ERBB4: variants seen among roughly 807,000 people sequenced by gnomAD.
ERBB4 encodes erb-b2 receptor tyrosine kinase 4.
In ERBB4, 42 loss-of-function variants were observed where a neutral mutation model predicts 158.0. The ratio of observed to expected loss-of-function variants is 0.27; its 90% CI spans 0.21 to 0.34. The LOEUF (loss-of-function observed/expected upper bound fraction) is 0.34, where lower values mean the gene tolerates loss of function less well. Ranked by LOEUF, ERBB4 falls within the 10% of genes least tolerant of loss-of-function variation. ERBB4 has a pLI of 1.00. For synonymous variants in ERBB4, 583 were observed against 558.7 expected (o/e 1.04, Z -0.61); for missense variants, 1,333 against 1,624.1 (o/e 0.82, Z 3.08).
intron 1 of ERBB4, among the ~76,000 whole-genome samples, chr2:212,141,649 A>T (rs2080481638): frequency 6.6e-6 from 1 of 152,008 alleles, no homozygotes; most frequent in Non-Finnish European, 1.5e-5. Context: ...AAATCTAGTC[A>T]GTCAACTATT....
At chr2:211,400,309 T>C (rs1456063578) in intron 25 of ERBB4, among the ~76,000 whole-genome samples, 1 of 151,922 alleles carries the variant, frequency 6.6e-6, no homozygotes, top group East Asian at 1.9e-4. Context: ...AACAGGCTTT[T>C]TTCTCCAGTG....
At chr2:212,344,726 A>G (rs576301989) in intron 1 of ERBB4, among the ~76,000 whole-genome samples, 36 of 152,336 alleles carry the variant, frequency 2.4e-4, no homozygotes, top group Non-Finnish European at 4.1e-4. Context: ...GTATTGCATC[A>G]TTTAATTTAT....
At chr2:211,790,182 T>C (rs1575152029) in intron 3 of ERBB4, among the ~76,000 whole-genome samples, 1 of 152,060 alleles carries the variant, frequency 6.6e-6, no homozygotes, top group African/African-American at 2.4e-5. Flanking sequence ...CTCATACTAA[T>C]AGCTTTCTCA....
At chr2:212,496,707 C>T (rs1690593345) in intron 1 of ERBB4, among the ~76,000 whole-genome samples, 1 of 152,106 alleles carries the variant, frequency 6.6e-6, no homozygotes, top group Admixed American at 6.6e-5. Flanking sequence ...ATTTGTCAGT[C>T]TCCGTGAGTC....
chr2:211,376,120 GA>G lies in ERBB4; in HGVS notation c.*7494del, dbSNP rs1487734648. 9.0e-5 allele frequency: 21 copies of G among 232,942 alleles called. No homozygotes were observed. The South Asian group carries it at 1.3e-3, about 14-fold the overall frequency. 14.4% of individuals were successfully genotyped at this position (232,942 alleles called of 1,614,324 possible). A position where few individuals can be genotyped will look rare whatever the true frequency, so the allele number is the denominator to read the frequency against. ...TGCATGATCCTTCATCAATAACATG[GA>G]AAAAAATCAAAATAACATTACACCA... On this transcript the variant is annotated 3_prime_UTR_variant, in exon 28 of 28. Coordinates refer to ENST00000342788, the MANE Select transcript of ERBB4 (RefSeq NM_005235.3).
intron 1 of ERBB4, among the ~76,000 whole-genome samples, chr2:212,536,960 A>AGTCC (rs1693107274): frequency 6.6e-6 from 1 of 152,162 alleles, no homozygotes; most frequent in Non-Finnish European, 1.5e-5. Flanking sequence ...TGGAATGTCA[A>AGTCC]GTCCGTGTTG....
At chr2:211,440,509 CT>C (rs2063950436) in intron 20 of ERBB4, among the ~76,000 whole-genome samples, 1 of 152,124 alleles carries the variant, frequency 6.6e-6, no homozygotes, top group Non-Finnish European at 1.5e-5. Context: ...TGTCTGACAC[CT>C]TAGTAATAAT....
chr2:211,818,484 G>A (rs185694384), intron 3 of ERBB4, among the ~76,000 whole-genome samples: 1 of 152,150 alleles, frequency 6.6e-6, no homozygotes, highest in Admixed American at 6.6e-5. Context: ...ATAAATGTGG[G>A]TGGGGGTTGG....
intron 1 of ERBB4, among the ~76,000 whole-genome samples, chr2:212,478,040 G>C (rs971462628): frequency 2.0e-5 from 3 of 151,920 alleles, no homozygotes; most frequent in Non-Finnish European, 2.9e-5. Flanking sequence ...TTTGACCATG[G>C]CCAGTAACAT....
chr2:211,489,788 T>C (rs1191472641), intron 20 of ERBB4, among the ~76,000 whole-genome samples: 1 of 151,982 alleles, frequency 6.6e-6, no homozygotes, highest in Non-Finnish European at 1.5e-5. Context: ...CATTCATTCA[T>C]TCATTTATTC....
rs533885525 is a variant in ERBB4 at position 212,296,372 on chromosome 2, A to G, written c.83-171469T>C. Among the ~76,000 whole-genome samples the G allele has an allele frequency of 8.6e-5, 13 of 152,042 alleles. No homozygotes were observed. The South Asian group carries it at 1.9e-3, about 22-fold the overall frequency. On this transcript the variant is annotated intron_variant, in intron 1 of 27. Coordinates refer to ENST00000342788, the MANE Select transcript of ERBB4 (RefSeq NM_005235.3). ...AGGAGAAAGTAGAGGGTGGTTTCCA[A>G]TGAGAGAATTTCATCTGCTTCTAAT...
chr2:211,550,404 T>C (rs2067055847), intron 20 of ERBB4, among the ~76,000 whole-genome samples: 1 of 151,604 alleles, frequency 6.6e-6, no homozygotes. Context: ...TTAAATCTGA[T>C]ATATCTGACC....
chr2:211,933,043 T>C (rs747754029), intron 3 of ERBB4, among the ~76,000 whole-genome samples: 36 of 152,040 alleles, frequency 2.4e-4, no homozygotes, highest in Non-Finnish European at 4.0e-4. Flanking sequence ...ATAACCTACA[T>C]TGTGACCCCT....
rs371045117 is a variant in ERBB4, at chr2:212,492,377, T to G, written c.82+46072A>C. Reference sequence around the variant, plus strand: ...TAAAAAATTATAGCACTACCTGGAATCTGGTCATTAATCTAAAATAAATTT... The same window carrying G: ...TAAAAAATTATAGCACTACCTGGAAGCTGGTCATTAATCTAAAATAAATTT... On this transcript the variant is annotated intron_variant, in intron 1 of 27. Transcript: ENST00000342788. 1.5e-3 allele frequency among the ~76,000 whole-genome samples: 226 copies of G among 151,422 alleles called. 7 individuals carry two copies. In the South Asian group the frequency reaches 0.045, roughly 30 times the overall value.
chr2:211,691,600 GTGTA>G lies in ERBB4; in HGVS notation c.1489+10363_1489+10366del, dbSNP rs1246921308. On this transcript the variant is annotated intron_variant, in intron 12 of 27. Transcript: ENST00000342788. ...TGTGTGTGTGTGTGTGTGTGTGTGT[GTGTA>G]TATATATAACAGATTGCTGAGAGAA... Among the ~76,000 whole-genome samples, 101 of 143,780 alleles carry G rather than the reference GTGTA, an allele frequency of 7.0e-4. 2 individuals carry two copies. The highest frequency in any genetic ancestry group is 5.3e-3 in the South Asian group (25 of 4,692). 94.3% of individuals were successfully genotyped at this position (143,780 alleles called of 152,430 possible).
At chr2:211,778,261 C>A (rs146758922) in intron 4 of ERBB4, 1,850 of 152,288 alleles carry the variant, frequency 0.012, 43 homozygotes, top group African/African-American at 0.042. Context: ...CCGCCGCCCC[C>A]CTGTGTTCAC....
At chr2:211,711,936 T>G (rs2073716132) in intron 9 of ERBB4, 114 bp downstream of exon 9, 10 of 868,060 alleles carry the variant, frequency 1.2e-5, no homozygotes, top group Non-Finnish European at 1.7e-5. Context: ...TGAGGAGCAT[T>G]AATGAAAGGT....
chr2:211,937,089 GT>G lies in ERBB4; in HGVS notation c.421+10340del, dbSNP rs533424925. ...TTGTATTAATTCTAAAACACATACA[GT>G]TTTGGATCTAATATCTTTAAAATCC... On this transcript the variant is annotated intron_variant, in intron 3 of 27. Transcript: ENST00000342788. 1.1e-3 allele frequency among the ~76,000 whole-genome samples: 168 copies of G among 152,256 alleles called. 1 individual carries two copies. Among genetic ancestry groups the G allele is most frequent in the African/African-American group, 3.4e-3 (143 of 41,584 alleles).
chr2:212,449,482 G>T lies in ERBB4; in HGVS notation c.82+88967C>A, dbSNP rs1007296564. Among the ~76,000 whole-genome samples, 5 of 152,168 alleles carry T rather than the reference G, an allele frequency of 3.3e-5. No homozygotes were observed. In the East Asian group the frequency reaches 9.6e-4, roughly 29 times the overall value. ...AAATGTGCATTTCTGTTAAAAGATT[G>T]CAGGCTGTATTTAATTACGTATAGC... On this transcript the variant is annotated intron_variant, in intron 1 of 27. Coordinates refer to ENST00000342788, the MANE Select transcript of ERBB4 (RefSeq NM_005235.3).
Sources: allele counts gnomAD v4.1 joint callset (sites outside exome capture counted in the v4.1 genomes callset), GRCh38; gene constraint gnomAD v4.1.1; transcripts MANE v1.5; gene names NCBI Gene and HGNC (gene_info 2026-07-23, HGNC 2026-07-21).